PIK3CA: variants seen among roughly 807,000 people sequenced by gnomAD.
The protein encoded by PIK3CA is phosphatidylinositol 4,5-bisphosphate 3-kinase catalytic subunit alpha isoform.
A neutral mutation model predicts 138.2 loss-of-function variants in PIK3CA; 27 were observed. The ratio of observed to expected loss-of-function variants is 0.20; its 90% confidence interval spans 0.14 to 0.27. The LOEUF is 0.27. Ranked by LOEUF, PIK3CA falls within the 10% of genes least tolerant of loss-of-function variation. The probability of loss-of-function intolerance (pLI) is 1.00; values close to 1 mark genes in which losing one functional copy is unlikely to be tolerated. For missense variants in PIK3CA, 544 were observed against 1,277.4 expected, an observed-to-expected ratio of 0.43 and a Z score of 8.75; for synonymous variants, 358 against 413.2, an observed-to-expected ratio of 0.87 and a Z score of 1.62.
chr3:179,205,010 G>C lies in PIK3CA; in HGVS notation c.1145+422G>C, dbSNP rs537679352. The stretch of plus-strand genomic sequence containing the variant: ...CACTCCAGCCTGGGCAACAGAGCGA[G>C]ACTCCGTCTCAAAAAAAAAAAAAAA... On this transcript the variant is annotated intron_variant, in intron 6 of 20. Coordinates refer to ENST00000263967, the MANE Select transcript of PIK3CA (RefSeq NM_006218.4). Among the ~76,000 whole-genome samples, 46 of 103,610 alleles carry C rather than the reference G, an allele frequency of 4.4e-4. No individual in the cohort carries two copies. In the East Asian group the frequency reaches 0.013, roughly 28 times the overall value. 68.0% of individuals were successfully genotyped at this position (103,610 alleles called of 152,430 possible).
intron 1 of PIK3CA, among the ~76,000 whole-genome samples, chr3:179,191,915 G>A (rs1724146794): frequency 6.6e-6 from 1 of 152,162 alleles, no homozygotes. Flanking sequence ...TAGGATTACA[G>A]GCATGAGCCA....
At chr3:179,157,042 A>G (rs991394446) in intron 1 of PIK3CA, among the ~76,000 whole-genome samples, 1 of 152,184 alleles carries the variant, frequency 6.6e-6, no homozygotes, top group Non-Finnish European at 1.5e-5. Context: ...AGCAGCATTA[A>G]TGGGAAAATT....
chr3:179,196,886 A>C (rs1340912810), intron 1 of PIK3CA, among the ~76,000 whole-genome samples: 1 of 152,150 alleles, frequency 6.6e-6, no homozygotes, highest in Non-Finnish European at 1.5e-5. Context: ...AGGTACTAAG[A>C]GTGGTATTTG....
At chr3:179,212,567 G>A (rs1021147511) in intron 9 of PIK3CA, among the ~76,000 whole-genome samples, 22 of 151,846 alleles carry the variant, frequency 1.4e-4, no homozygotes, top group Non-Finnish European at 2.6e-4. Flanking sequence ...TTGCGCCGCT[G>A]CACTCCAGCC....
intron 9 of PIK3CA, among the ~76,000 whole-genome samples, chr3:179,214,157 A>G (rs1009154659): frequency 6.6e-6 from 1 of 152,230 alleles, no homozygotes; most frequent in African/African-American, 2.4e-5. Context: ...TCACTGAAGT[A>G]GCACTTTTAA....
chr3:179,219,076 A>G lies in PIK3CA; in HGVS notation c.1665-120A>G. On this transcript the variant is annotated intron_variant, in intron 10 of 20. Coordinates refer to ENST00000263967, the MANE Select transcript of PIK3CA (RefSeq NM_006218.4). The surrounding 1 kb of genome is among the most constrained non-coding windows in gnomAD (Gnocchi z 4.2). The stretch of plus-strand genomic sequence containing the variant: ...ACACTGATGTCTTTTGAATTTTAAA[A>G]AAGCTAGTAATGTAAGAAGTTTGGG... 1.8e-6 allele frequency: 1 copy of G among 569,920 alleles called. No homozygotes were observed. The highest frequency in any genetic ancestry group is 3.2e-6 in the Non-Finnish European group (1 of 315,340). 35.3% of individuals were successfully genotyped at this position (569,920 alleles called of 1,614,324 possible).
chr3:179,155,714 G>A (rs1465680285), intron 1 of PIK3CA, among the ~76,000 whole-genome samples: 2 of 151,992 alleles, frequency 1.3e-5, no homozygotes, highest in Non-Finnish European at 2.9e-5. Context: ...TATCCACAGG[G>A]GTCCTAGACC....
Position 179,203,419 on chromosome 3 carries a change from T to C in PIK3CA, c.814-125T>C, listed in dbSNP as rs963006627. On this transcript the variant is annotated intron_variant, in intron 4 of 20. Transcript: ENST00000263967. Reference sequence around the variant, plus strand: ...AAATGTTATAGGAACTACTAGTAAATGTGGTCTATAATGTTTAATTTTTTA... The same window carrying C: ...AAATGTTATAGGAACTACTAGTAAACGTGGTCTATAATGTTTAATTTTTTA... 9 of 759,320 alleles carry C rather than the reference T, an allele frequency of 1.2e-5. No homozygotes were observed. The African/African-American group carries it at 1.4e-4, about 12-fold the overall frequency. The allele number at this position is 759,320 out of a possible 1,614,324, so 47.0% of individuals were successfully genotyped here.
chr3:179,186,934 A>G (rs1723996563), intron 1 of PIK3CA, among the ~76,000 whole-genome samples: 1 of 152,178 alleles, frequency 6.6e-6, no homozygotes, highest in Admixed American at 6.5e-5. Flanking sequence ...CAGTATATAC[A>G]GTTGGTCCTG....
chr3:179,197,399 G>C (rs1428809139), intron 1 of PIK3CA, among the ~76,000 whole-genome samples: 2 of 151,956 alleles, frequency 1.3e-5, no homozygotes, highest in African/African-American at 4.8e-5. Flanking sequence ...CCCCAAACTT[G>C]ATGACCGCAT....
At chr3:179,187,537 CAAAAAAAAA>C (rs375116506) in intron 1 of PIK3CA, among the ~76,000 whole-genome samples, 2 of 63,342 alleles carry the variant, frequency 3.2e-5, no homozygotes, top group African/African-American at 1.3e-4. Flanking sequence ...GACTCCGCCT[CAAAAAAAAA>C]AAAAAAAAAA....
chr3:179,176,820 A>G (rs1190562760), intron 1 of PIK3CA, among the ~76,000 whole-genome samples: 1 of 152,222 alleles, frequency 6.6e-6, no homozygotes, highest in Non-Finnish European at 1.5e-5. Context: ...AAAGACATCC[A>G]TATAATAAGT....
intron 1 of PIK3CA, among the ~76,000 whole-genome samples, chr3:179,166,189 A>G (rs1366682671): frequency 2.6e-5 from 4 of 152,234 alleles, no homozygotes; most frequent in African/African-American, 9.6e-5. Flanking sequence ...GAGGAAAATG[A>G]TATCTTGAGA....
rs555315457 is a variant in PIK3CA, at chr3:179,210,353, G to T, written c.1404+15G>T. On this transcript the variant is annotated intron_variant, in intron 8 of 20. Coordinates refer to ENST00000263967, the MANE Select transcript of PIK3CA (RefSeq NM_006218.4). ...ATCCAAATAAAGTAAGGTTTTTATTGTCATAAATTAGATATTTTTTATGGC... is the reference window on the plus strand; with the variant it reads ...ATCCAAATAAAGTAAGGTTTTTATTTTCATAAATTAGATATTTTTTATGGC... 1.6e-5 allele frequency: 26 copies of T among 1,583,674 alleles called. 1 individual carries two copies. The South Asian group carries it at 2.5e-4, about 15-fold the overall frequency.
chr3:179,187,292 CT>C (rs1393815133), intron 1 of PIK3CA, among the ~76,000 whole-genome samples: 1 of 151,940 alleles, frequency 6.6e-6, no homozygotes, highest in African/African-American at 2.4e-5. Flanking sequence ...AATCCCAGCA[CT>C]TTGGGAGGCC....
chr3:179,199,243 A>C lies in PIK3CA; in HGVS notation c.352+66A>C, dbSNP rs1724346749. The C allele has an allele frequency of 4.7e-6, 5 of 1,057,346 alleles. No individual in the cohort carries two copies. The East Asian group carries it at 1.2e-4, about 26-fold the overall frequency. The allele number at this position is 1,057,346 out of a possible 1,614,324, so 65.5% of individuals were successfully genotyped here. On this transcript the variant is annotated intron_variant, in intron 2 of 20. Transcript: ENST00000263967. ...AAGCTTAACTGTTGTCCCTTTCTAA[A>C]ATATTTCTGTCTAAACCAATACCTT...
At chr3:179,196,402 A>AT (rs2108383044) in intron 1 of PIK3CA, among the ~76,000 whole-genome samples, 1 of 152,314 alleles carries the variant, frequency 6.6e-6, no homozygotes, top group East Asian at 1.9e-4. Context: ...GCTTAAAAAA[A>AT]TTTAAGTCAC....
At chr3:179,193,058 G>T (rs1183041578) in intron 1 of PIK3CA, among the ~76,000 whole-genome samples, 2 of 152,198 alleles carry the variant, frequency 1.3e-5, no homozygotes, top group African/African-American at 4.8e-5. Context: ...TGTTCTTAAA[G>T]GCGTCGTTAC....
intron 1 of PIK3CA, among the ~76,000 whole-genome samples, chr3:179,197,710 T>C (rs758953974): frequency 8.5e-5 from 13 of 152,342 alleles, no homozygotes; most frequent in Non-Finnish European, 1.5e-4. Context: ...GATTCATGTC[T>C]CTAGCTTAAC....
Sources: allele counts gnomAD v4.1 joint callset (sites outside exome capture counted in the v4.1 genomes callset), GRCh38; gene constraint gnomAD v4.1.1; non-coding constraint Gnocchi (gnomAD v3.1); transcripts MANE v1.5; gene names NCBI Gene and HGNC (gene_info 2026-07-23, HGNC 2026-07-21).